The following RECK variants were observed in gnomAD, a reference collection of about 807,000 sequenced individuals.
RECK encodes the protein reversion inducing cysteine rich protein with kazal motifs.
RECK carries 69 observed loss-of-function variants against 115.1 expected under a neutral mutation model. That is an observed-to-expected ratio of 0.60 (90% CI 0.49 to 0.73). RECK has a LOEUF of 0.73. Ranked by LOEUF, RECK falls within the 30% of genes least tolerant of loss-of-function variation. The pLI, the probability that RECK is intolerant of heterozygous loss-of-function variation, is 0.00. For missense variants in RECK, 1,047 were observed against 1,203.7 expected, an observed-to-expected ratio of 0.87 and a Z score of 1.93; for synonymous variants, 414 against 419.7, an observed-to-expected ratio of 0.99 and a Z score of 0.17.
intron 16 of RECK, among the ~76,000 whole-genome samples, chr9:36,114,821 G>A (rs1381912395): frequency 6.6e-6 from 1 of 151,844 alleles, no homozygotes; most frequent in African/African-American, 2.4e-5. Flanking sequence ...CTCCAGCCTG[G>A]GGGACAGAAC....
chr9:36,079,097 G>A (rs1432381554), intron 6 of RECK, among the ~76,000 whole-genome samples: 1 of 152,014 alleles, frequency 6.6e-6, no homozygotes, highest in Non-Finnish European at 1.5e-5. Flanking sequence ...GTTTCTCCAT[G>A]TTTTTCAGGC....
At chr9:36,037,248 G>T in intron 1 of RECK, 150 bp downstream of exon 1, 1 of 438,192 alleles carries the variant, frequency 2.3e-6, no homozygotes, top group Non-Finnish European at 3.7e-6. Flanking sequence ...CAGCGCTCCA[G>T]AGGCTGGTGC....
Position 36,123,039 on chromosome 9 carries a change from T to A in RECK, c.2910T>A (p.Tyr970Ter), listed in dbSNP as rs376167480. 34 of 1,612,854 alleles carry A rather than the reference T, an allele frequency of 2.1e-5. No individual in the cohort carries two copies. In the African/African-American group the frequency reaches 4.5e-4, roughly 22 times the overall value. Reference sequence around the variant, plus strand: ...TTGCCTTGCACTTGCTCTGGACATATAACTGACTGCCCACGGAAAGTGCAG... The same window carrying A: ...TTGCCTTGCACTTGCTCTGGACATAAAACTGACTGCCCACGGAAAGTGCAG... Reference protein sequence around the residue: ...LGLALHLLWTYN With the variant: ...LGLALHLLWT The change falls in exon 21 of 21, where the codon TAT becomes TAA. Residue 970 changes from tyrosine to a stop codon, truncating the protein, a stop_gained. Transcript: ENST00000377966. LOFTEE classifies it high-confidence loss of function.
At chr9:36,079,141 C>T (rs1588303352) in intron 6 of RECK, among the ~76,000 whole-genome samples, 3 of 152,136 alleles carry the variant, frequency 2.0e-5, no homozygotes, top group African/African-American at 4.8e-5. Flanking sequence ...GTGATCCTCC[C>T]ACCTCGGCCT....
intron 2 of RECK, 116 bp downstream of exon 2, chr9:36,052,439 C>A: frequency 1.5e-6 from 1 of 663,614 alleles, no homozygotes; most frequent in East Asian, 2.7e-5. Flanking sequence ...TCAGGACCAG[C>A]CAGGACAACA....
Position 36,099,951 on chromosome 9 carries a change from C to A in RECK, c.1086-380C>A, listed in dbSNP as rs537645191. Reference sequence around the variant, plus strand: ...TGTGCTTATGGATGTACATATTTGTCAAAGCACACCAAGCTGTACCCATAA... The same window carrying A: ...TGTGCTTATGGATGTACATATTTGTAAAAGCACACCAAGCTGTACCCATAA... On this transcript the variant is annotated intron_variant, in intron 10 of 20. Transcript: ENST00000377966. Among the ~76,000 whole-genome samples, 67 of 152,282 alleles carry A rather than the reference C, an allele frequency of 4.4e-4. 2 individuals are homozygous for A. The South Asian group carries it at 0.013, about 30-fold the overall frequency.
chr9:36,072,348 A>G (rs191180325), intron 6 of RECK, among the ~76,000 whole-genome samples: 1 of 152,340 alleles, frequency 6.6e-6, no homozygotes, highest in East Asian at 1.9e-4. Context: ...ATCAGGACCA[A>G]CAGGATTCTC....
intron 2 of RECK, among the ~76,000 whole-genome samples, chr9:36,054,498 T>TA (rs1821440652): frequency 2.0e-5 from 2 of 99,462 alleles, no homozygotes; most frequent in African/African-American, 3.8e-5. Flanking sequence ...GGCCCTTAGT[T>TA]TAAAAAAAAA....
intron 6 of RECK, chr9:36,066,717 A>G: frequency 9.8e-7 from 1 of 1,016,374 alleles, no homozygotes; most frequent in Non-Finnish European, 1.3e-6. Flanking sequence ...GCTAACTGTG[A>G]TAATTCCTTC....
chr9:36,063,931 TAG>T (rs760968722), intron 5 of RECK, 51 bp downstream of exon 5: 1 of 1,561,912 alleles, frequency 6.4e-7, no homozygotes. Flanking sequence ...AGTTTGGTTT[TAG>T]CTGTGCACAT....
At chr9:36,039,503 T>C (rs1459154935) in intron 1 of RECK, among the ~76,000 whole-genome samples, 1 of 152,238 alleles carries the variant, frequency 6.6e-6, no homozygotes, top group Non-Finnish European at 1.5e-5. Flanking sequence ...GCAAATCTTA[T>C]TACCTTGATT....
intron 2 of RECK, among the ~76,000 whole-genome samples, chr9:36,057,580 G>T (rs1432398656): frequency 6.6e-6 from 1 of 152,222 alleles, no homozygotes; most frequent in Non-Finnish European, 1.5e-5. Flanking sequence ...CACTTTGGGA[G>T]GCTGAGGCGG....
intron 16 of RECK, among the ~76,000 whole-genome samples, chr9:36,114,321 T>C (rs374600706): frequency 1.5e-4 from 23 of 152,338 alleles, no homozygotes; most frequent in African/African-American, 5.1e-4. Flanking sequence ...ACCTTCTTCA[T>C]GTTAAGAGAA....
chr9:36,054,909 G>A (rs1821462517), intron 2 of RECK, among the ~76,000 whole-genome samples: 1 of 151,994 alleles, frequency 6.6e-6, no homozygotes, highest in Non-Finnish European at 1.5e-5. Flanking sequence ...TACAATGAAA[G>A]GAAAAAGCTG....
At chr9:36,061,621 A>G (rs1821770441) in intron 4 of RECK, among the ~76,000 whole-genome samples, 1 of 152,222 alleles carries the variant, frequency 6.6e-6, no homozygotes, top group Admixed American at 6.5e-5. Context: ...AAACAGCAGC[A>G]TACTTCATTA....
Position 36,046,552 on chromosome 9 carries a change from C to T in RECK, c.101-5713C>T, listed in dbSNP as rs563624013. 3.9e-5 allele frequency among the ~76,000 whole-genome samples: 6 copies of T among 152,214 alleles called. No individual in the cohort carries two copies. The South Asian group carries it at 1.0e-3, about 26-fold the overall frequency. ...CGGAGCAGAGGTCCCCTGTCCTGTT[C>T]GTGGAGAGTGGCAATGCCCTCAAGA... is the stretch of plus-strand genomic sequence containing the variant. On this transcript the variant is annotated intron_variant, in intron 1 of 20. Transcript: ENST00000377966.
At chr9:36,091,040 GTTT>G in intron 9 of RECK, 121 bp from the exon 10 acceptor site, 2 of 783,716 alleles carry the variant, frequency 2.6e-6, no homozygotes, top group Non-Finnish European at 3.8e-6. Context: ...TAGTCATTTG[GTTT>G]TTTTACTTTT....
chr9:36,119,370 G>A (rs552813714), intron 18 of RECK, among the ~76,000 whole-genome samples: 1 of 152,318 alleles, frequency 6.6e-6, no homozygotes, highest in East Asian at 1.9e-4. Flanking sequence ...GAAATTGAGA[G>A]AAATAGAAGA....
At chr9:36,042,012 T>A (rs977333885) in intron 1 of RECK, among the ~76,000 whole-genome samples, 24 of 152,024 alleles carry the variant, frequency 1.6e-4, no homozygotes, top group Non-Finnish European at 3.1e-4. Flanking sequence ...TGAGAGAAAT[T>A]TTTTTGTACT....
Sources: allele counts gnomAD v4.1 joint callset (sites outside exome capture counted in the v4.1 genomes callset), GRCh38; gene constraint gnomAD v4.1.1; transcripts MANE v1.5; gene names NCBI Gene and HGNC (gene_info 2026-07-23, HGNC 2026-07-21).